Variants in MTUS2 observed in about 807,000 individuals in gnomAD.
The protein encoded by MTUS2 is microtubule-associated tumor suppressor candidate 2.
In MTUS2, 40 loss-of-function variants were observed where a neutral mutation model predicts 114.1. That is an observed-to-expected ratio of 0.35 (90% confidence interval 0.27 to 0.46). MTUS2 has a LOEUF of 0.46. MTUS2 is among the 20% of genes least tolerant of loss of function. The pLI is 1.00. For missense variants in MTUS2, 1,679 were observed against 1,705.4 expected, an observed-to-expected ratio of 0.98 and a Z score of 0.27; for synonymous variants, 688 against 672.0, an observed-to-expected ratio of 1.02 and a Z score of -0.37.
chr13:29,480,470 T>G lies in MTUS2; in HGVS notation c.3399+106T>G. ...GAAGTCCTATTCAGTAGGTGAGCTT[T>G]CTGAACAGTTCACTTTCTGAGTTGC... On this transcript the variant is annotated intron_variant, in intron 10 of 15. Coordinates refer to ENST00000612955, the MANE Select transcript of MTUS2 (RefSeq NM_001033602.4). This position sits in a 1 kb window ranked among gnomAD's most constrained non-coding sequence, Gnocchi z 4.4. 1 of 1,202,298 alleles carries G rather than the reference T, an allele frequency of 8.3e-7. No homozygotes were observed. 74.5% of individuals were successfully genotyped at this position (1,202,298 alleles called of 1,614,324 possible).
intron 9 of MTUS2, among the ~76,000 whole-genome samples, chr13:29,445,592 C>T (rs572431186): frequency 8.5e-5 from 13 of 152,200 alleles, no homozygotes; most frequent in Admixed American, 1.3e-4. Context: ...CCCTGAAGCC[C>T]GTTGAATCAT....
chr13:29,154,577 A>G (rs1250035667), intron 5 of MTUS2, among the ~76,000 whole-genome samples: 2 of 152,208 alleles, frequency 1.3e-5, no homozygotes, highest in Non-Finnish European at 2.9e-5. Context: ...CACAGCTAAC[A>G]CTGGAATGCC....
At chr13:29,126,197 T>TGA (rs139035633) in intron 5 of MTUS2, among the ~76,000 whole-genome samples, 2,964 of 152,298 alleles carry the variant, frequency 0.019, 106 homozygotes, top group African/African-American at 0.067. Flanking sequence ...TGCCCTTTAC[T>TGA]GAGAACCCAC....
At chr13:29,486,218 A>G (rs1881606587) in intron 10 of MTUS2, among the ~76,000 whole-genome samples, 1 of 152,158 alleles carries the variant, frequency 6.6e-6, no homozygotes, top group Admixed American at 6.5e-5. Flanking sequence ...ATTGTGCACC[A>G]CGTCCGTTCT....
intron 3 of MTUS2, among the ~76,000 whole-genome samples, chr13:29,030,252 T>A (rs998689024): frequency 1.3e-5 from 2 of 152,174 alleles, no homozygotes; most frequent in Non-Finnish European, 2.9e-5. Context: ...ATTGTGTGGC[T>A]TTGGCGGTTC....
chr13:29,473,223 A>G (rs900108773), intron 9 of MTUS2, among the ~76,000 whole-genome samples: 20 of 152,194 alleles, frequency 1.3e-4, no homozygotes, highest in African/African-American at 4.3e-4. Context: ...AGCATTTGCT[A>G]TGACCTAAAA....
intron 5 of MTUS2, among the ~76,000 whole-genome samples, chr13:29,261,060 A>G (rs748488642): frequency 2.0e-5 from 3 of 152,200 alleles, no homozygotes; most frequent in Non-Finnish European, 2.9e-5. Flanking sequence ...GAACAAGAAA[A>G]AAAGGAAGAT....
chr13:29,188,874 A>G (rs1486071754), intron 5 of MTUS2, among the ~76,000 whole-genome samples: 1 of 152,190 alleles, frequency 6.6e-6, no homozygotes, highest in South Asian at 2.1e-4. Context: ...TATCCAGTAC[A>G]GCCTTGTGTG....
At chr13:29,481,703 A>G (rs1881196490) in intron 10 of MTUS2, among the ~76,000 whole-genome samples, 1 of 151,416 alleles carries the variant, frequency 6.6e-6, no homozygotes, top group Non-Finnish European at 1.5e-5. Flanking sequence ...ATTTCAGAGT[A>G]ATACTAATTA....
intron 2 of MTUS2, among the ~76,000 whole-genome samples, chr13:28,914,977 A>G (rs1469198511): frequency 2.0e-5 from 3 of 151,372 alleles, no homozygotes; most frequent in African/African-American, 4.9e-5. Context: ...TTTTGAGCCT[A>G]TGTGTGTCTT....
rs1213670441 is a variant in MTUS2 at position 29,025,587 on chromosome 13, C to A, written c.889C>A (p.Leu297Met). ...TLASKEIPSK[L>M]EAQLGQGKGE... is the part of the protein sequence containing the mutation. ...GGCATCGAAGGAAATCCCAAGTAAACTGGAAGCACAATTAGGTCAGGGAAA... is the reference window on the plus strand; with the variant it reads ...GGCATCGAAGGAAATCCCAAGTAAAATGGAAGCACAATTAGGTCAGGGAAA... Residue 297 changes from leucine (L) to methionine (M), a missense_variant, in exon 3 of 16, where the codon CTG (leucine) becomes ATG (methionine). Transcript: ENST00000612955. 1.2e-6 allele frequency: 2 copies of A among 1,613,968 alleles called. No individual in the cohort carries two copies. Among genetic ancestry groups the A allele is most frequent in the Non-Finnish European group, 1.7e-6 (2 of 1,179,890 alleles).
chr13:29,163,782 A>G (rs950949576), intron 5 of MTUS2, among the ~76,000 whole-genome samples: 3 of 152,168 alleles, frequency 2.0e-5, no homozygotes, highest in Non-Finnish European at 1.5e-5. Context: ...CCTGAGTGAC[A>G]TTGCAACCTA....
chr13:29,447,467 A>G (rs934488904), intron 9 of MTUS2, among the ~76,000 whole-genome samples: 3 of 152,080 alleles, frequency 2.0e-5, no homozygotes, highest in Non-Finnish European at 2.9e-5. Flanking sequence ...ATTTCATTGA[A>G]TCATGCTTAT....
intron 2 of MTUS2, among the ~76,000 whole-genome samples, chr13:28,907,962 G>C (rs1467431621): frequency 5.3e-5 from 8 of 151,342 alleles, no homozygotes; most frequent in African/African-American, 1.5e-4. Flanking sequence ...TGGGCCGTCT[G>C]TTATTTATCT....
At chr13:28,867,570 C>G (rs982806362) in intron 2 of MTUS2, among the ~76,000 whole-genome samples, 1 of 152,150 alleles carries the variant, frequency 6.6e-6, no homozygotes, top group Non-Finnish European at 1.5e-5. Context: ...AAGATTAAAG[C>G]TTTTCATATT....
chr13:29,308,061 T>C (rs886265497), intron 6 of MTUS2, among the ~76,000 whole-genome samples: 8 of 152,052 alleles, frequency 5.3e-5, no homozygotes, highest in African/African-American at 1.7e-4. Context: ...TTGACATTCT[T>C]CACAGAATGG....
chr13:29,458,081 T>C (rs1384493866), intron 9 of MTUS2, among the ~76,000 whole-genome samples: 1 of 152,154 alleles, frequency 6.6e-6, no homozygotes, highest in Admixed American at 6.5e-5. Flanking sequence ...ACTGGCTATC[T>C]GTGTATCTTC....
At chr13:29,103,736 A>T (rs1890531512) in intron 5 of MTUS2, among the ~76,000 whole-genome samples, 1 of 152,220 alleles carries the variant, frequency 6.6e-6, no homozygotes, top group Non-Finnish European at 1.5e-5. Context: ...CAGCTCATTT[A>T]TAATCTTACA....
chr13:28,841,030 C>T (rs1381822225), intron 2 of MTUS2, among the ~76,000 whole-genome samples: 2 of 152,184 alleles, frequency 1.3e-5, no homozygotes, highest in Middle Eastern at 6.3e-3. Flanking sequence ...ATTCTATAGA[C>T]CACCACCTGT....
Sources: allele counts gnomAD v4.1 joint callset (sites outside exome capture counted in the v4.1 genomes callset), GRCh38; gene constraint gnomAD v4.1.1; non-coding constraint Gnocchi (gnomAD v3.1); transcripts MANE v1.5; gene names NCBI Gene and HGNC (gene_info 2026-07-23, HGNC 2026-07-21).